The following ADCY9 variants were observed in gnomAD, a reference collection of about 807,000 sequenced individuals.
ADCY9 encodes adenylate cyclase type 9.
Under a neutral mutation model 101.5 loss-of-function variants are expected in ADCY9, and 50 were observed. That is an observed-to-expected ratio of 0.49 (90% CI 0.39 to 0.62). The LOEUF is 0.62. Ranked by LOEUF, ADCY9 falls within the 20% of genes least tolerant of loss-of-function variation. The pLI is 0.00. For missense variants in ADCY9, 1,662 were observed against 1,800.4 expected, an observed-to-expected ratio of 0.92 and a Z score of 1.39; for synonymous variants, 905 against 769.3, an observed-to-expected ratio of 1.18 and a Z score of -2.92.
chr16:3,956,001 C>A (rs559351952), intron 5 of ADCY9, among the ~76,000 whole-genome samples: 1 of 152,162 alleles, frequency 6.6e-6, no homozygotes, highest in Non-Finnish European at 1.5e-5. Flanking sequence ...TAGCTGGGAT[C>A]ATATGTGTAC....
intron 7 of ADCY9, chr16:3,981,764 T>TG (rs1332258816): frequency 6.6e-6 from 1 of 151,362 alleles, no homozygotes; most frequent in Non-Finnish European, 1.5e-5. Context: ...TGGCTATTTT[T>TG]TTTTTTTTGG....
intron 2 of ADCY9, among the ~76,000 whole-genome samples, chr16:4,012,418 C>T (rs944369791): frequency 7.3e-5 from 11 of 149,886 alleles, no homozygotes; most frequent in Non-Finnish European, 1.3e-4. Context: ...TGAATAACCA[C>T]ACACATGGAC....
intron 5 of ADCY9, among the ~76,000 whole-genome samples, chr16:3,957,034 T>G (rs1256273119): frequency 6.6e-6 from 1 of 152,162 alleles, no homozygotes; most frequent in Non-Finnish European, 1.5e-5. Context: ...GGAAAATACA[T>G]TTTTCCTCGT....
chr16:4,056,760 C>G (rs1030855435), intron 2 of ADCY9, among the ~76,000 whole-genome samples: 1 of 152,180 alleles, frequency 6.6e-6, no homozygotes. Context: ...AAGACTTCAA[C>G]AAATATGTGC....
chr16:4,027,858 CAA>C (rs1286486898), intron 2 of ADCY9, among the ~76,000 whole-genome samples: 3 of 141,376 alleles, frequency 2.1e-5, no homozygotes, highest in African/African-American at 5.3e-5. Context: ...GCCTGGGTGA[CAA>C]GAGCAAAATT....
At chr16:4,106,604 A>T (rs919255290) in intron 2 of ADCY9, among the ~76,000 whole-genome samples, 2 of 152,180 alleles carry the variant, frequency 1.3e-5, no homozygotes, top group Non-Finnish European at 2.9e-5. Flanking sequence ...CAGAGTCAGG[A>T]GGGGACCTGC....
downstream of ADCY9, among the ~76,000 whole-genome samples, chr16:3,960,245 C>T (rs2055930582): frequency 6.6e-6 from 1 of 152,102 alleles, no homozygotes; most frequent in African/African-American, 2.4e-5. Context: ...TTTGGCCGGG[C>T]ACGGTGGCTC....
At position 3,988,355 on chromosome 16, in the gene ADCY9, G is replaced by A. The variant is rs181298456; in HGVS notation, c.2310+639C>T. ...TTCTCAGGGGAAGAAAGCAGGGAGGGCAACAGAGAAGAGTCTCACCCAAGA... is the reference window on the plus strand; with the variant it reads ...TTCTCAGGGGAAGAAAGCAGGGAGGACAACAGAGAAGAGTCTCACCCAAGA... On this transcript the variant is annotated intron_variant, in intron 6 of 10. Transcript: ENST00000294016. Among the ~76,000 whole-genome samples the A allele has an allele frequency of 4.6e-5, 7 of 151,830 alleles. No homozygotes were observed. In the East Asian group the frequency reaches 1.4e-3, roughly 30 times the overall value.
At chr16:4,061,815 C>T (rs2056775199) in intron 2 of ADCY9, among the ~76,000 whole-genome samples, 1 of 152,168 alleles carries the variant, frequency 6.6e-6, no homozygotes, top group African/African-American at 2.4e-5. Flanking sequence ...GGCAAATATA[C>T]AGCAGATTTA....
chr16:4,086,387 C>T (rs538808780), intron 2 of ADCY9, among the ~76,000 whole-genome samples: 2 of 152,156 alleles, frequency 1.3e-5, no homozygotes, highest in Admixed American at 1.3e-4. Context: ...TCCCATGTGA[C>T]GCATGTCAGC....
At chr16:4,084,779 CTG>C (rs910763829) in intron 2 of ADCY9, among the ~76,000 whole-genome samples, 5 of 151,970 alleles carry the variant, frequency 3.3e-5, no homozygotes, top group Admixed American at 1.3e-4. Context: ...GTGGCAATCT[CTG>C]TGTTTCTGTT....
At chr16:4,106,116 T>G (rs1043554821) in intron 2 of ADCY9, among the ~76,000 whole-genome samples, 5 of 152,196 alleles carry the variant, frequency 3.3e-5, no homozygotes, top group African/African-American at 9.7e-5. Context: ...ATGCCAGGAA[T>G]TTTTTACAAG....
intron 2 of ADCY9, among the ~76,000 whole-genome samples, chr16:4,103,763 G>A (rs947670932): frequency 3.3e-5 from 5 of 152,114 alleles, no homozygotes; most frequent in South Asian, 2.1e-4. Context: ...CCCAGGAGGC[G>A]GAGGTTGCAG....
chr16:4,052,250 G>C (rs1417865524), intron 2 of ADCY9, among the ~76,000 whole-genome samples: 1 of 152,222 alleles, frequency 6.6e-6, no homozygotes, highest in Non-Finnish European at 1.5e-5. Context: ...GGAGACTCGA[G>C]AGCCATTGAC....
At chr16:4,018,060 G>T (rs948071307) in intron 2 of ADCY9, among the ~76,000 whole-genome samples, 5 of 152,184 alleles carry the variant, frequency 3.3e-5, no homozygotes, top group South Asian at 2.1e-4. Context: ...ACTTGCAAAG[G>T]CATTTTCTTC....
chr16:3,973,617 G>A (rs886908680), intron 10 of ADCY9, among the ~76,000 whole-genome samples: 3 of 151,868 alleles, frequency 2.0e-5, no homozygotes, highest in East Asian at 1.9e-4. Context: ...TTAGCTTCCC[G>A]AGTAGCTGGG....
intron 3 of ADCY9, among the ~76,000 whole-genome samples, chr16:3,997,665 G>T (rs2056297895): frequency 6.6e-6 from 1 of 152,242 alleles, no homozygotes; most frequent in Non-Finnish European, 1.5e-5. Flanking sequence ...TCCATTCCCA[G>T]CAGGTTTGTC....
intron 4 of ADCY9, 72 bp downstream of exon 4, chr16:3,993,334 A>G (rs1278556105): frequency 6.3e-7 from 1 of 1,592,044 alleles, no homozygotes; most frequent in East Asian, 2.3e-5. Flanking sequence ...GAAGTCGACA[A>G]GACAGGAATG....
In ADCY9 at chr16:3,965,717, TAC is replaced by T. The variant is rs1455448406; in HGVS notation, c.*56_*57del. On this transcript the variant is annotated 3_prime_UTR_variant, in exon 11 of 11. Coordinates refer to ENST00000294016, the MANE Select transcript of ADCY9 (RefSeq NM_001116.4). ...GCGCTTGGAAAGCACAACAGCCAAA[TAC>T]AAATATTACTGTGTTTCGACAAACA... is the stretch of plus-strand genomic sequence containing the variant. 1 of 1,512,858 alleles carries T rather than the reference TAC, an allele frequency of 6.6e-7. No homozygotes were observed. The highest frequency in any genetic ancestry group is 1.9e-5 in the Admixed American group (1 of 52,958). 93.7% of individuals were successfully genotyped at this position (1,512,858 alleles called of 1,614,324 possible).
Sources: gnomAD v4.1 joint callset for allele counts (sites outside exome capture counted in the v4.1 genomes callset) on GRCh38, gnomAD v4.1.1 for gene constraint, MANE v1.5 for transcripts, NCBI Gene and HGNC (gene_info 2026-07-23, HGNC 2026-07-21) for gene names.